The following HAUS5 variants were observed in gnomAD, a reference collection of about 807,000 sequenced individuals.
The protein encoded by HAUS5 is HAUS augmin-like complex subunit 5.
HAUS5 carries 67 observed loss-of-function variants against 94.1 expected under a neutral mutation model. That is an observed-to-expected ratio of 0.71 (90% confidence interval 0.58 to 0.87). The LOEUF (loss-of-function observed/expected upper bound fraction) is 0.87. HAUS5 is among the 40% of genes least tolerant of loss of function. The pLI, the probability that HAUS5 is intolerant of heterozygous loss-of-function variation, is 0.00. For synonymous variants in HAUS5, 339 were observed against 355.4 expected, an observed-to-expected ratio of 0.95 and a Z score of 0.52; for missense variants, 739 against 825.6, an observed-to-expected ratio of 0.90 and a Z score of 1.29.
At chr19:35,617,986 C>T in intron 9 of HAUS5, 74 bp downstream of exon 9, 1 of 1,605,058 alleles carries the variant, frequency 6.2e-7, no homozygotes, top group Non-Finnish European at 8.5e-7. Context: ...CAGGACCTAA[C>T]TCTTGATGAC....
At chr19:35,618,228 G>A in intron 10 of HAUS5, 33 bp downstream of exon 10, 4 of 1,595,700 alleles carry the variant, frequency 2.5e-6, no homozygotes, top group Non-Finnish European at 3.4e-6. Flanking sequence ...AGTTGGGGAA[G>A]GCCATGTGAG....
intron 1 of HAUS5, 178 bp from the exon 2 acceptor site, chr19:35,613,552 C>G (rs2071913573): frequency 5.1e-6 from 3 of 586,892 alleles, no homozygotes; most frequent in Non-Finnish European, 8.9e-6. Context: ...ACCACTGCGA[C>G]AGAGCGAGAC....
Position 35,624,950 on chromosome 19 carries a change from A to G in HAUS5, c.*1957A>G, listed in dbSNP as rs1325355315. 2 of 152,226 alleles carry G rather than the reference A, an allele frequency of 1.3e-5. No individual in the cohort carries two copies. Among genetic ancestry groups the G allele is most frequent in the African/African-American group, 4.8e-5 (2 of 41,394 alleles). 9.4% of individuals were successfully genotyped at this position (152,226 alleles called of 1,614,324 possible). On this transcript the variant is annotated 3_prime_UTR_variant, in exon 19 of 19. Coordinates refer to ENST00000203166, the MANE Select transcript of HAUS5 (RefSeq NM_015302.2). ...GCCTCCAGAGTCCCTTTACTCTCCC[A>G]GCTTTCCTCCTGCCCCTGGCTGCTG...
rs777848068 is a variant in HAUS5, at chr19:35,619,507, G to C, written c.1260+3G>C. On this transcript the variant is annotated splice_donor_region_variant and intron_variant, in intron 14 of 18. Transcript: ENST00000203166. ...GCCTGTGCCGGAGCCCGGGGGAGGT[G>C]AGATGGGAGTTGGGGTGAGGTCTGG... The C allele has an allele frequency of 4.3e-6, 7 of 1,609,708 alleles. No homozygotes were observed. The highest frequency in any genetic ancestry group is 5.9e-6 in the Non-Finnish European group (7 of 1,177,650).
At position 35,618,701 on chromosome 19, in the gene HAUS5, T is replaced by G. The variant is rs1568329061; in HGVS notation, c.1016+2T>G. The G allele has an allele frequency of 6.3e-7, 1 of 1,580,328 alleles. No individual in the cohort carries two copies. Among genetic ancestry groups the G allele is most frequent in the African/African-American group, 1.4e-5 (1 of 73,810 alleles). On this transcript the variant is annotated splice_donor_variant, in intron 12 of 18. Coordinates refer to ENST00000203166, the MANE Select transcript of HAUS5 (RefSeq NM_015302.2). LOFTEE classifies it high-confidence loss of function. Reference sequence around the variant, plus strand: ...ACGCGTCCTGGGATCCAGTGAGAGGTGGGGGGCTCTCCGAGAAGAGGTCTC... The same window carrying G: ...ACGCGTCCTGGGATCCAGTGAGAGGGGGGGGGCTCTCCGAGAAGAGGTCTC...
At chr19:35,614,089 T>G in intron 4 of HAUS5, 30 bp downstream of exon 4, 1 of 1,605,728 alleles carries the variant, frequency 6.2e-7, no homozygotes, top group South Asian at 1.1e-5. Flanking sequence ...AGATTCTCTT[T>G]CATCCGAAAA....
chr19:35,623,283 A>C lies in HAUS5; in HGVS notation c.*290A>C. 3.1e-6 allele frequency: 1 copy of C among 320,852 alleles called. No homozygotes were observed. Among genetic ancestry groups the C allele is most frequent in the Non-Finnish European group, 5.7e-6 (1 of 174,200 alleles). The allele number at this position is 320,852 out of a possible 1,614,324, so 19.9% of individuals were successfully genotyped here. On this transcript the variant is annotated 3_prime_UTR_variant, in exon 19 of 19. Coordinates refer to ENST00000203166, the MANE Select transcript of HAUS5 (RefSeq NM_015302.2). ...CCACACTGAACAAAAGAAACAGAAAACCCTGTCTTCCAGCAGTTGAGTTCT... is the reference window on the plus strand; with the variant it reads ...CCACACTGAACAAAAGAAACAGAAACCCCTGTCTTCCAGCAGTTGAGTTCT...
At position 35,624,634 on chromosome 19, in the gene HAUS5, T is replaced by G. The variant is rs1967276936; in HGVS notation, c.*1641T>G. The G allele has an allele frequency of 6.6e-6, 1 of 152,054 alleles. No individual in the cohort carries two copies. The highest frequency in any genetic ancestry group is 1.5e-5 in the Non-Finnish European group (1 of 68,002). 9.4% of individuals were successfully genotyped at this position (152,054 alleles called of 1,614,324 possible). A position where few individuals can be genotyped will look rare whatever the true frequency, so the allele number is the denominator to read the frequency against. On this transcript the variant is annotated 3_prime_UTR_variant, in exon 19 of 19. Transcript: ENST00000203166. Reference sequence around the variant, plus strand: ...ATATCTGGCTAATATTTGTATTTTTTGTAGAGTCGGAGCTTTACCATGTTG... The same window carrying G: ...ATATCTGGCTAATATTTGTATTTTTGGTAGAGTCGGAGCTTTACCATGTTG...
In HAUS5 at chr19:35,624,785, A is replaced by T. The variant is rs1436529316; in HGVS notation, c.*1792A>T. On this transcript the variant is annotated 3_prime_UTR_variant, in exon 19 of 19. Coordinates refer to ENST00000203166, the MANE Select transcript of HAUS5 (RefSeq NM_015302.2). ...TTTTCCCAAACTAAGTGAACATTAGATTTAATTTGGCTGGCCCCAGAAGAA... is the reference window on the plus strand; with the variant it reads ...TTTTCCCAAACTAAGTGAACATTAGTTTTAATTTGGCTGGCCCCAGAAGAA... 1 of 152,142 alleles carries T rather than the reference A, an allele frequency of 6.6e-6. No individual in the cohort carries two copies. The allele number at this position is 152,142 out of a possible 1,614,324, so 9.4% of individuals were successfully genotyped here.
chr19:35,618,758 A>G, intron 12 of HAUS5, 59 bp downstream of exon 12: 2 of 1,536,126 alleles, frequency 1.3e-6, no homozygotes, highest in Non-Finnish European at 1.8e-6. Flanking sequence ...GTCTCAGCCC[A>G]TTGGACTTTT....
chr19:35,619,078 A>G, intron 13 of HAUS5, 29 bp downstream of exon 13: 1 of 1,532,376 alleles, frequency 6.5e-7, no homozygotes, highest in Non-Finnish European at 8.7e-7. Context: ...GGCCTTGTGG[A>G]GGGCCAGAGG....
intron 4 of HAUS5, 114 bp downstream of exon 4, chr19:35,614,173 C>T: frequency 4.4e-6 from 4 of 918,170 alleles, no homozygotes; most frequent in Non-Finnish European, 7.1e-6. Context: ...CACAAGACAG[C>T]CTTGATCTCC....
In HAUS5 at chr19:35,622,951, C is replaced by T. The variant is rs759276760; in HGVS notation, c.1860C>T (p.Arg620=). The T allele has an allele frequency of 6.2e-7, 1 of 1,613,590 alleles. No individual in the cohort carries two copies. The highest frequency in any genetic ancestry group is 2.2e-5 in the East Asian group (1 of 44,878). Residue 620 remains arginine, a synonymous_variant, in exon 19 of 19, where the codon CGC becomes CGT. Transcript: ENST00000203166. ...QGLSLPQWRL[R]WVQAQGALQK... Reference sequence around the variant, plus strand: ...TGTCCCTGCCCCAGTGGCGGCTGCGCTGGGTTCAGGCCCAGGGGGCCCTGC... The same window carrying T: ...TGTCCCTGCCCCAGTGGCGGCTGCGTTGGGTTCAGGCCCAGGGGGCCCTGC...
chr19:35,617,864 T>C lies in HAUS5; in HGVS notation c.648T>C (p.His216=), dbSNP rs1167658572. ...TTACCCAACCCCACAGAACCCCTCA[T>C]GATGACCACTTTGGCACTTCGTACC... The part of the protein sequence containing the change: ...QAKRGSLPTP[H]DDHFGTSYQQ... Residue 216 remains histidine (H), a synonymous_variant, in exon 9 of 19, where the codon CAT becomes CAC. Coordinates refer to ENST00000203166, the MANE Select transcript of HAUS5 (RefSeq NM_015302.2). The C allele has an allele frequency of 5.6e-6, 9 of 1,613,892 alleles. No homozygotes were observed. The highest frequency in any genetic ancestry group is 1.3e-5 in the African/African-American group (1 of 74,894).
chr19:35,619,888 C>T, intron 15 of HAUS5, 124 bp from the exon 16 acceptor site: 2 of 1,525,878 alleles, frequency 1.3e-6, no homozygotes, highest in East Asian at 2.3e-5. Context: ...ACCCTTGGGT[C>T]AGCAGCCCTG....
In HAUS5 at chr19:35,613,599, A is replaced by G. The variant is rs1010717693; in HGVS notation, c.99-131A>G. The stretch of plus-strand genomic sequence containing the variant: ...AAAAAAAAAAAAAAAAAGGCAAAAA[A>G]AAGTTTGGGCCTTCCCTCCTCAAGA... On this transcript the variant is annotated intron_variant, in intron 1 of 18. Coordinates refer to ENST00000203166, the MANE Select transcript of HAUS5 (RefSeq NM_015302.2). 12 of 696,826 alleles carry G rather than the reference A, an allele frequency of 1.7e-5. No homozygotes were observed. In the African/African-American group the frequency reaches 1.8e-4, roughly 11 times the overall value. The allele number at this position is 696,826 out of a possible 1,614,324, so 43.2% of individuals were successfully genotyped here.
intron 6 of HAUS5, 71 bp downstream of exon 6, chr19:35,615,457 C>T (rs1208769566): frequency 2.0e-5 from 25 of 1,222,214 alleles, no homozygotes; most frequent in Non-Finnish European, 2.3e-5. Flanking sequence ...AGGGCTCTGC[C>T]CTGATCCCTT....
intron 13 of HAUS5, 65 bp from the exon 14 acceptor site, chr19:35,619,359 A>G (rs1173444292): frequency 7.6e-7 from 1 of 1,315,106 alleles, no homozygotes; most frequent in Non-Finnish European, 1.1e-6. Flanking sequence ...GCAGGACCTA[A>G]GCAGAGAGGC....
At chr19:35,613,652 T>C (rs1307777015) in intron 1 of HAUS5, 78 bp from the exon 2 acceptor site, 3 of 1,288,788 alleles carry the variant, frequency 2.3e-6, no homozygotes, top group Middle Eastern at 2.5e-4. Context: ...AAAAACTCCC[T>C]ACCACCATCA....
Sources: allele counts gnomAD v4.1 joint callset, GRCh38; gene constraint gnomAD v4.1.1; transcripts MANE v1.5; gene names NCBI Gene and HGNC (gene_info 2026-07-23, HGNC 2026-07-21).